DIP2C: variants seen among roughly 807,000 people sequenced by gnomAD.
DIP2C encodes the protein disco-interacting protein 2 homolog C.
Under a neutral mutation model 192.4 loss-of-function variants are expected in DIP2C, and 33 were observed. That is an observed-to-expected ratio of 0.17 (90% confidence interval 0.13 to 0.23). DIP2C has a LOEUF of 0.23. Ranked by LOEUF, DIP2C falls within the 10% of genes least tolerant of loss-of-function variation. The probability of loss-of-function intolerance (pLI) is 1.00; values close to 1 mark genes in which losing one functional copy is unlikely to be tolerated. For synonymous variants in DIP2C, 979 were observed against 864.1 expected (o/e 1.13, Z -2.33); for missense variants, 1,537 against 2,110.1 (o/e 0.73, Z 5.32).
At chr10:475,552 C>T (rs1970991204) in intron 2 of DIP2C, among the ~76,000 whole-genome samples, 1 of 152,188 alleles carries the variant, frequency 6.6e-6, no homozygotes, top group African/African-American at 2.4e-5. Context: ...CGGCTTCTCA[C>T]AGACCTTACA....
rs769306159 is a variant in DIP2C at position 363,227 on chromosome 10, G to A, written c.2562C>T (p.Asp854=). ...GCACACGGCTCATCCACTGGAAACT[G>A]TCCTCTTCCGTGGAGTCAGGCCTCT... is the stretch of plus-strand genomic sequence containing the variant. The part of the protein sequence containing the change: ...AEQRPDSTEE[D]SFQWMSRVLQ... Residue 854 remains aspartate, a synonymous_variant, in exon 21 of 37, where the codon GAC becomes GAT. Transcript: ENST00000280886. This position sits in a 1 kb window ranked among gnomAD's most constrained non-coding sequence, Gnocchi z 5.4. 2 of 1,613,626 alleles carry A rather than the reference G, an allele frequency of 1.2e-6. No homozygotes were observed. Among genetic ancestry groups the A allele is most frequent in the South Asian group, 2.2e-5 (2 of 91,044 alleles).
rs1966035804 is a variant in DIP2C, at chr10:419,563, A to G, written c.605-364T>C. On this transcript the variant is annotated intron_variant, in intron 5 of 36. Transcript: ENST00000280886. ...TGTCTGCCACAGTCGACGCAGCCAA[A>G]GGCCTGGAATTGGAAACCCGGCTCT... Among the ~76,000 whole-genome samples, 3 of 152,154 alleles carry G rather than the reference A, an allele frequency of 2.0e-5. No individual in the cohort carries two copies. In the East Asian group the frequency reaches 5.8e-4, roughly 29 times the overall value.
chr10:441,916 C>A (rs1355830146), intron 3 of DIP2C, among the ~76,000 whole-genome samples: 1 of 149,880 alleles, frequency 6.7e-6, no homozygotes, highest in African/African-American at 2.4e-5. Flanking sequence ...TCACGCAGGC[C>A]AATTCCTAAT....
chr10:633,231 C>T (rs1854628409), intron 1 of DIP2C, among the ~76,000 whole-genome samples: 1 of 152,258 alleles, frequency 6.6e-6, no homozygotes. Context: ...AGCTTAGGCA[C>T]GTGGGTTACT....
intron 1 of DIP2C, among the ~76,000 whole-genome samples, chr10:572,545 A>G (rs933936129): frequency 1.3e-5 from 2 of 152,212 alleles, no homozygotes; most frequent in Non-Finnish European, 2.9e-5. Flanking sequence ...AATGAGAAAA[A>G]TAGTTTTCTA....
chr10:462,206 A>T (rs1969842822), intron 3 of DIP2C, among the ~76,000 whole-genome samples: 1 of 151,822 alleles, frequency 6.6e-6, no homozygotes, highest in African/African-American at 2.4e-5. Flanking sequence ...AGACAGAGAC[A>T]CGAAAAACTC....
In DIP2C at chr10:670,230, A is replaced by G. The variant is rs371692258; in HGVS notation, c.85+19264T>C. On this transcript the variant is annotated intron_variant, in intron 1 of 36. Transcript: ENST00000280886. Reference sequence around the variant, plus strand: ...TATGCACACATACGCACACGCATGCATGCACACGCATATGCACACACGTAC... The same window carrying G: ...TATGCACACATACGCACACGCATGCGTGCACACGCATATGCACACACGTAC... Among the ~76,000 whole-genome samples, 16 of 142,438 alleles carry G rather than the reference A, an allele frequency of 1.1e-4. No individual in the cohort carries two copies. The East Asian group carries it at 1.4e-3, about 12-fold the overall frequency. 93.4% of individuals were successfully genotyped at this position (142,438 alleles called of 152,430 possible).
intron 1 of DIP2C, among the ~76,000 whole-genome samples, chr10:638,837 G>A (rs996500632): frequency 2.6e-5 from 4 of 152,242 alleles, no homozygotes; most frequent in Non-Finnish European, 4.4e-5. Context: ...GGAAAGAGGT[G>A]CCCGCGAAGG....
intron 10 of DIP2C, among the ~76,000 whole-genome samples, chr10:392,788 TGCACACACGCGGATGCGCACACTCAGC>T (rs1231037265): frequency 4.0e-5 from 6 of 151,308 alleles, no homozygotes; most frequent in Non-Finnish European, 4.4e-5. Context: ...CACGCGCCCA[TGCACACACGCGGATGCGCACACTCAGC>T]GCACACACAC....
At chr10:454,599 C>T (rs1423712218) in intron 3 of DIP2C, among the ~76,000 whole-genome samples, 1 of 118,256 alleles carries the variant, frequency 8.5e-6, no homozygotes. Flanking sequence ...ATGAGATATT[C>T]GGGGATAAAA....
At chr10:483,442 A>G (rs1437163592) in intron 2 of DIP2C, among the ~76,000 whole-genome samples, 2 of 152,220 alleles carry the variant, frequency 1.3e-5, no homozygotes, top group Non-Finnish European at 2.9e-5. Context: ...GCGTGTCACA[A>G]GCAACGTCTC....
chr10:281,596 T>C (rs1954823707), intron 35 of DIP2C, among the ~76,000 whole-genome samples: 1 of 152,228 alleles, frequency 6.6e-6, no homozygotes, highest in African/African-American at 2.4e-5. Flanking sequence ...TCAGCTTCGA[T>C]ATCCAGTCAA....
chr10:306,778 C>T (rs1054298798), intron 32 of DIP2C, among the ~76,000 whole-genome samples: 2 of 152,226 alleles, frequency 1.3e-5, no homozygotes, highest in African/African-American at 4.8e-5. Context: ...TGCCGGAGCT[C>T]ATAGTGACAG....
In DIP2C at chr10:618,576, C is replaced by T. The variant is rs144814535; in HGVS notation, c.85+70918G>A. On this transcript the variant is annotated intron_variant, in intron 1 of 36. Transcript: ENST00000280886. ...TGGCTTTCACTCCATCCCAAAGCTC[C>T]ATGTATGAATTTAGTCATGACTACT... 1.5e-4 allele frequency among the ~76,000 whole-genome samples: 16 copies of T among 104,326 alleles called. No individual in the cohort carries two copies. The East Asian group carries it at 4.1e-3, about 27-fold the overall frequency. 68.4% of individuals were successfully genotyped at this position (104,326 alleles called of 152,430 possible).
intron 1 of DIP2C, chr10:668,323 A>T (rs1458423943): frequency 6.6e-6 from 1 of 152,198 alleles, no homozygotes; most frequent in African/African-American, 2.4e-5. Flanking sequence ...AACTCAACAC[A>T]AATACATGTA....
At chr10:327,684 C>G (rs907628062) in intron 30 of DIP2C, among the ~76,000 whole-genome samples, 3 of 152,146 alleles carry the variant, frequency 2.0e-5, no homozygotes, top group African/African-American at 7.2e-5. Flanking sequence ...CAGACATGTA[C>G]CACCACACCC....
chr10:677,036 T>C (rs1156893334), intron 1 of DIP2C, among the ~76,000 whole-genome samples: 2 of 152,194 alleles, frequency 1.3e-5, no homozygotes, highest in African/African-American at 4.8e-5. Context: ...TATTGAAATA[T>C]CACGCTGTAT....
At chr10:501,563 T>C (rs1032143589) in intron 1 of DIP2C, among the ~76,000 whole-genome samples, 2 of 151,718 alleles carry the variant, frequency 1.3e-5, no homozygotes, top group African/African-American at 2.4e-5. Flanking sequence ...TCAGAAAGAA[T>C]GGGGAGGCTT....
intron 29 of DIP2C, chr10:340,542 C>G (rs1958093411): frequency 2.8e-6 from 1 of 352,378 alleles, no homozygotes; most frequent in South Asian, 2.1e-5. Flanking sequence ...ATTGGTAACA[C>G]TCTTTATCAG....
Sources: allele counts gnomAD v4.1 joint callset (sites outside exome capture counted in the v4.1 genomes callset), GRCh38; gene constraint gnomAD v4.1.1; non-coding constraint Gnocchi (gnomAD v3.1); transcripts MANE v1.5; gene names NCBI Gene and HGNC (gene_info 2026-07-23, HGNC 2026-07-21).